The following NFIA variants were observed in gnomAD, a reference collection of about 807,000 sequenced individuals.
The protein encoded by NFIA is nuclear factor 1 A-type.
In NFIA, 8 loss-of-function variants were observed where a neutral mutation model predicts 62.8. That is an observed-to-expected ratio of 0.13 (90% CI 0.07 to 0.23). The LOEUF (loss-of-function observed/expected upper bound fraction) is 0.23, where lower values mean the gene tolerates loss of function less well. Ranked by LOEUF, NFIA falls within the 10% of genes least tolerant of loss-of-function variation. The pLI is 1.00. For missense variants in NFIA, 410 were observed against 642.1 expected (o/e 0.64, Z 3.91); for synonymous variants, 235 against 238.1 (o/e 0.99, Z 0.12).
intron 2 of NFIA, among the ~76,000 whole-genome samples, chr1:61,130,849 T>A (rs1647060153): frequency 6.6e-6 from 1 of 152,248 alleles, no homozygotes; most frequent in African/African-American, 2.4e-5. Context: ...CCATTCCAAT[T>A]CATCACTTAA....
intron 2 of NFIA, among the ~76,000 whole-genome samples, chr1:61,242,883 A>T: frequency 6.6e-6 from 1 of 152,062 alleles, no homozygotes. Flanking sequence ...GATATAGTTT[A>T]TATAGCTTGA....
intron 6 of NFIA, among the ~76,000 whole-genome samples, chr1:61,362,366 A>G (rs972955609): frequency 1.3e-5 from 2 of 152,182 alleles, no homozygotes; most frequent in Non-Finnish European, 2.9e-5. Context: ...TCTCTCAAAC[A>G]AGTACTAAGG....
chr1:61,232,345 A>C lies in NFIA; in HGVS notation c.560-45175A>C, dbSNP rs545041820. On this transcript the variant is annotated intron_variant, in intron 2 of 10. Transcript: ENST00000403491. ...GCTAGACTCATTTTAACTAAAAGGG[A>C]AAATTAAGCCATATATATTATATAT... Among the ~76,000 whole-genome samples, 5 of 152,314 alleles carry C rather than the reference A, an allele frequency of 3.3e-5. No homozygotes were observed. The South Asian group carries it at 1.0e-3, about 32-fold the overall frequency.
At chr1:61,284,820 G>T (rs1385032254) in intron 3 of NFIA, among the ~76,000 whole-genome samples, 2 of 151,592 alleles carry the variant, frequency 1.3e-5, no homozygotes, top group African/African-American at 4.9e-5. Context: ...CACACACAAA[G>T]AGTTACACAG....
chr1:61,416,360 T>A (rs998188415), intron 9 of NFIA, among the ~76,000 whole-genome samples: 1 of 152,182 alleles, frequency 6.6e-6, no homozygotes, highest in Non-Finnish European at 1.5e-5. Context: ...ATAAAATCCT[T>A]GGCAATTTTT....
intron 2 of NFIA, among the ~76,000 whole-genome samples, chr1:61,145,502 A>G (rs1351196394): frequency 2.6e-5 from 4 of 152,208 alleles, no homozygotes; most frequent in African/African-American, 7.2e-5. Context: ...TTGAGTATCT[A>G]CTATGTGCCA....
intron 10 of NFIA, among the ~76,000 whole-genome samples, chr1:61,429,668 G>T (rs555945453): frequency 1.3e-4 from 20 of 152,368 alleles, no homozygotes; most frequent in African/African-American, 4.8e-4. Context: ...AGCAACCCAA[G>T]TGTCCATTGA....
chr1:61,265,886 T>C (rs904932902), intron 2 of NFIA, among the ~76,000 whole-genome samples: 11 of 152,342 alleles, frequency 7.2e-5, no homozygotes, highest in Non-Finnish European at 1.5e-4. Context: ...TTGCGGTCAT[T>C]TATAAAGTAT....
intron 6 of NFIA, among the ~76,000 whole-genome samples, chr1:61,373,035 T>C (rs1272645333): frequency 1.3e-5 from 2 of 152,198 alleles, no homozygotes; most frequent in Non-Finnish European, 2.9e-5. Context: ...TTTCTTTTGC[T>C]GTGTAGCTTC....
chr1:61,437,196 GCCAGCCCT>G (rs977928167), intron 10 of NFIA, among the ~76,000 whole-genome samples: 39 of 152,280 alleles, frequency 2.6e-4, no homozygotes, highest in Admixed American at 2.2e-3. Flanking sequence ...GAAGCATAAG[GCCAGCCCT>G]CATGACATAC....
At chr1:61,220,506 A>G (rs950094223) in intron 2 of NFIA, among the ~76,000 whole-genome samples, 2 of 152,262 alleles carry the variant, frequency 1.3e-5, no homozygotes, top group Non-Finnish European at 2.9e-5. Flanking sequence ...GTTTGTCAGT[A>G]TAGTTAAAAG....
At chr1:61,155,329 C>A (rs962630398) in intron 2 of NFIA, among the ~76,000 whole-genome samples, 5 of 152,230 alleles carry the variant, frequency 3.3e-5, no homozygotes, top group Admixed American at 3.3e-4. Flanking sequence ...TTCTATGTTC[C>A]AAATGTGCTG....
chr1:61,340,651 T>G (rs1430002234), intron 4 of NFIA, among the ~76,000 whole-genome samples: 2 of 152,356 alleles, frequency 1.3e-5, no homozygotes, highest in East Asian at 3.9e-4. Context: ...TTCTTCACTG[T>G]GTGCTCAGAG....
At chr1:61,349,603 T>A (rs1358589692) in intron 4 of NFIA, among the ~76,000 whole-genome samples, 1 of 152,132 alleles carries the variant, frequency 6.6e-6, no homozygotes, top group Non-Finnish European at 1.5e-5. Flanking sequence ...AGATGGGTTC[T>A]CACTCCATTG....
chr1:61,330,181 G>A (rs543779375), intron 3 of NFIA, among the ~76,000 whole-genome samples: 1 of 152,280 alleles, frequency 6.6e-6, no homozygotes, highest in South Asian at 2.1e-4. Flanking sequence ...TGGATGGAAT[G>A]CCCAACAAAT....
intron 2 of NFIA, among the ~76,000 whole-genome samples, chr1:61,112,310 C>T (rs1276971476): frequency 6.6e-6 from 1 of 151,768 alleles, no homozygotes; most frequent in African/African-American, 2.4e-5. Context: ...CACTTTGGTT[C>T]CTAAAGTAAT....
chr1:61,308,330 G>A (rs1570553344), intron 3 of NFIA, among the ~76,000 whole-genome samples: 1 of 152,228 alleles, frequency 6.6e-6, no homozygotes, highest in East Asian at 1.9e-4. Flanking sequence ...AAGTCAAGGA[G>A]TAAATGAGTA....
At chr1:61,354,090 G>A (rs1173019864) in intron 5 of NFIA, among the ~76,000 whole-genome samples, 1 of 152,062 alleles carries the variant, frequency 6.6e-6, no homozygotes, top group Non-Finnish European at 1.5e-5. Context: ...CCCTTTTTAT[G>A]TTTTCACACA....
chr1:61,393,902 C>T (rs530279628), intron 7 of NFIA, among the ~76,000 whole-genome samples: 2 of 152,280 alleles, frequency 1.3e-5, no homozygotes, highest in African/African-American at 4.8e-5. Flanking sequence ...GCCACAGACC[C>T]CCAGGGTCAC....
Sources: gnomAD v4.1 joint callset for allele counts (sites outside exome capture counted in the v4.1 genomes callset) on GRCh38, gnomAD v4.1.1 for gene constraint, MANE v1.5 for transcripts, NCBI Gene and HGNC (gene_info 2026-07-23, HGNC 2026-07-21) for gene names.